The following SLC45A1 variants were observed in gnomAD, a reference collection of about 807,000 sequenced individuals.
SLC45A1 encodes proton-associated sugar transporter A.
Under a neutral mutation model 57.6 loss-of-function variants are expected in SLC45A1, and 28 were observed. That is an observed-to-expected ratio of 0.49 (90% confidence interval 0.36 to 0.67). SLC45A1 has a LOEUF of 0.67. SLC45A1 is among the 30% of genes least tolerant of loss of function. The pLI, the probability that SLC45A1 is intolerant of heterozygous loss-of-function variation, is 0.00. For synonymous variants in SLC45A1, 459 were observed against 471.5 expected (o/e 0.97, Z 0.34); for missense variants, 814 against 1,041.5 (o/e 0.78, Z 3.01).
intron 8 of SLC45A1, among the ~76,000 whole-genome samples, chr1:8,340,455 C>T (rs189819022): frequency 5.3e-5 from 8 of 152,310 alleles, no homozygotes; most frequent in South Asian, 2.1e-4. Flanking sequence ...AGCCACCGCA[C>T]CCAGCCCAAA....
At chr1:8,321,256 C>T (rs1343604584) in intron 1 of SLC45A1, among the ~76,000 whole-genome samples, 1 of 152,174 alleles carries the variant, frequency 6.6e-6, no homozygotes, top group Non-Finnish European at 1.5e-5. Context: ...TGAAGTATTA[C>T]TTGTCTACAT....
intron 5 of SLC45A1, among the ~76,000 whole-genome samples, chr1:8,332,574 C>T (rs1296539456): frequency 1.3e-5 from 2 of 148,272 alleles, no homozygotes; most frequent in African/African-American, 2.5e-5. Flanking sequence ...TGCAGTGATG[C>T]GATCTTGGCT....
In SLC45A1 at chr1:8,325,796, G is replaced by A. The variant is rs750899263; in HGVS notation, c.491-22G>A. 1 of 1,606,594 alleles carries A rather than the reference G, an allele frequency of 6.2e-7. No homozygotes were observed. The highest frequency in any genetic ancestry group is 2.2e-5 in the East Asian group (1 of 44,856). On this transcript the variant is annotated intron_variant, in intron 3 of 8. Transcript: ENST00000471889. The surrounding 1 kb of genome is among the most constrained non-coding windows in gnomAD (Gnocchi z 6.3). ...GAGCTGGTCTGCATTTTCTTGGGGT[G>A]ACTTTGTTTCTCTGTGTCCAGGGGC...
chr1:8,324,465 T>C lies in SLC45A1; in HGVS notation c.136T>C (p.Phe46Leu), dbSNP rs749440093. The C allele has an allele frequency of 2.5e-6, 4 of 1,612,612 alleles. No individual in the cohort carries two copies. The South Asian group carries it at 4.4e-5, about 18-fold the overall frequency. The change falls in exon 2 of 9, where the codon TTC becomes CTC. Residue 46 changes from phenylalanine to leucine, a missense_variant. Transcript: ENST00000471889. The stretch of plus-strand genomic sequence containing the variant: ...ACACCTCAGTCACCGGGCCAACAAC[T>C]TCAAACGACACCCCAAGAGGAGGAA... ...TRHLSHRANN[F>L]KRHPKRRKCI...
chr1:8,330,689 C>T lies in SLC45A1; in HGVS notation c.1196C>T (p.Pro399Leu), dbSNP rs751431761. 9 of 1,613,132 alleles carry T rather than the reference C, an allele frequency of 5.6e-6. No homozygotes were observed. Among genetic ancestry groups the T allele is most frequent in the Admixed American group, 5.0e-5 (3 of 60,002 alleles). The change falls in exon 5 of 9, where the codon CCC becomes CTC. Residue 399 changes from proline to leucine, a missense_variant. Physicochemically the swap from Pro to Leu is moderately conservative, Grantham distance 98. Coordinates refer to ENST00000471889, the MANE Select transcript of SLC45A1 (RefSeq NM_001080397.3). This position sits in a 1 kb window ranked among gnomAD's most constrained non-coding sequence, Gnocchi z 8.4. ...LAIPGSVPRP[P>L]ISVSFPRAPD... ...ATCCCTGGCAGCGTCCCCAGGCCGCCCATCAGCGTCAGCTTCCCCCGGGCC... is the reference window on the plus strand; with the variant it reads ...ATCCCTGGCAGCGTCCCCAGGCCGCTCATCAGCGTCAGCTTCCCCCGGGCC...
In SLC45A1 at chr1:8,335,434, C is replaced by T. The variant is rs777214221; in HGVS notation, c.1444-3C>T. On this transcript the variant is annotated splice_region_variant and splice_polypyrimidine_tract_variant and intron_variant, in intron 5 of 8. Coordinates refer to ENST00000471889, the MANE Select transcript of SLC45A1 (RefSeq NM_001080397.3). The surrounding 1 kb of genome is among the most constrained non-coding windows in gnomAD (Gnocchi z 4.1). ...TGATGAGGGGTTTGTGGGCTCTTCC[C>T]AGGTGGCCAATATCCTGCTCAACGG... The T allele has an allele frequency of 6.3e-6, 10 of 1,584,354 alleles. No homozygotes were observed. Among genetic ancestry groups the T allele is most frequent in the Non-Finnish European group, 8.5e-6 (10 of 1,171,124 alleles).
chr1:8,344,135 T>G lies in SLC45A1; in HGVS notation c.*122T>G. 2 of 926,582 alleles carry G rather than the reference T, an allele frequency of 2.2e-6. No homozygotes were observed. Among genetic ancestry groups the G allele is most frequent in the East Asian group, 5.2e-5 (2 of 38,640 alleles). The allele number at this position is 926,582 out of a possible 1,614,324, so 57.4% of individuals were successfully genotyped here. ...GGCTGCCTACTGGAATGTAAATATG[T>G]GATAAAATAATAAATGACAGCGGCA... On this transcript the variant is annotated 3_prime_UTR_variant, in exon 9 of 9. Coordinates refer to ENST00000471889, the MANE Select transcript of SLC45A1 (RefSeq NM_001080397.3).
In SLC45A1 at chr1:8,330,345, C is replaced by G. The variant is rs763858764; in HGVS notation, c.852C>G (p.Thr284=). The G allele has an allele frequency of 1.2e-6, 2 of 1,613,510 alleles. No individual in the cohort carries two copies. The highest frequency in any genetic ancestry group is 1.7e-6 in the Non-Finnish European group (2 of 1,180,012). Residue 284 remains threonine (T), a synonymous_variant, in exon 5 of 9, where the codon ACC becomes ACG. Transcript: ENST00000471889. This position sits in a 1 kb window ranked among gnomAD's most constrained non-coding sequence, Gnocchi z 8.4. ...CCCTGAGCGTCACCACCGTCCTGAC[C>G]CTGGTCAGCATCCCTGAGAGGCCGC... The part of the protein sequence containing the change: ...AVTLSVTTVL[T]LVSIPERPLR...
Position 8,325,443 on chromosome 1 carries a change from A to C in SLC45A1, c.490+53A>C, listed in dbSNP as rs372355331. On this transcript the variant is annotated intron_variant, in intron 3 of 8. Coordinates refer to ENST00000471889, the MANE Select transcript of SLC45A1 (RefSeq NM_001080397.3). The surrounding 1 kb of genome is among the most constrained non-coding windows in gnomAD (Gnocchi z 6.3). ...TGGAGAGGAAAAAAAAAAGGCCCCAACTGCTTCCTTTTAGGAAAATTTTAA... is the reference window on the plus strand; with the variant it reads ...TGGAGAGGAAAAAAAAAAGGCCCCACCTGCTTCCTTTTAGGAAAATTTTAA... The C allele has an allele frequency of 7.6e-7, 1 of 1,310,020 alleles. No homozygotes were observed. The highest frequency in any genetic ancestry group is 2.3e-5 in the East Asian group (1 of 43,396). 81.1% of individuals were successfully genotyped at this position (1,310,020 alleles called of 1,614,324 possible). A position where few individuals can be genotyped will look rare whatever the true frequency, so the allele number is the denominator to read the frequency against.
In SLC45A1 at chr1:8,328,564, C is replaced by T. The variant is rs904519104; in HGVS notation, c.716-1645C>T. 5.3e-5 allele frequency among the ~76,000 whole-genome samples: 8 copies of T among 152,168 alleles called. No individual in the cohort carries two copies. Among genetic ancestry groups the T allele is most frequent in the African/African-American group, 1.4e-4 (6 of 41,428 alleles). On this transcript the variant is annotated intron_variant, in intron 4 of 8. Transcript: ENST00000471889. The surrounding 1 kb of genome is among the most constrained non-coding windows in gnomAD (Gnocchi z 4.6). Reference sequence around the variant, plus strand: ...GCTAGTAAAGTTCATCTGGGCCGGGCGTGGTGGCTCATGCATGTACTCCCA... The same window carrying T: ...GCTAGTAAAGTTCATCTGGGCCGGGTGTGGTGGCTCATGCATGTACTCCCA...
intron 8 of SLC45A1, among the ~76,000 whole-genome samples, chr1:8,341,079 C>A (rs1640794073): frequency 6.6e-6 from 1 of 151,738 alleles, no homozygotes; most frequent in Admixed American, 6.6e-5. Flanking sequence ...CTAGTCCCAG[C>A]TACTCGGGAG....
rs201290111 is a variant in SLC45A1 at position 8,324,514 on chromosome 1, C to T, written c.185C>T (p.Pro62Leu). Reference sequence around the variant, plus strand: ...AAGTGCATTCGTCCCTCCCCACCCCCGCCCCCCAACACCCCGTGCCCGCTT... The same window carrying T: ...AAGTGCATTCGTCCCTCCCCACCCCTGCCCCCCAACACCCCGTGCCCGCTT... ...RRKCIRPSPP[P>L]PPNTPCPLEL... is the part of the protein sequence containing the mutation. The change falls in exon 2 of 9, where the codon CCG becomes CTG. Residue 62 changes from proline (P) to leucine (L), a missense_variant. Transcript: ENST00000471889. The T allele has an allele frequency of 5.0e-6, 8 of 1,611,412 alleles. No individual in the cohort carries two copies. Among genetic ancestry groups the T allele is most frequent in the Admixed American group, 1.7e-5 (1 of 59,982 alleles).
Position 8,327,680 on chromosome 1 carries a change from C to A in SLC45A1, c.715+1638C>A, listed in dbSNP as rs1470123817. Among the ~76,000 whole-genome samples, 2 of 152,062 alleles carry A rather than the reference C, an allele frequency of 1.3e-5. No individual in the cohort carries two copies. The highest frequency in any genetic ancestry group is 3.9e-4 in the East Asian group (2 of 5,194). On this transcript the variant is annotated intron_variant, in intron 4 of 8. Coordinates refer to ENST00000471889, the MANE Select transcript of SLC45A1 (RefSeq NM_001080397.3). This position sits in a 1 kb window ranked among gnomAD's most constrained non-coding sequence, Gnocchi z 4.3. ...AAATAAATAAATAACTCTAGCTTGT[C>A]TATATAAAATACTTGCCTTGTTACA...
chr1:8,322,766 G>A (rs1434329828), intron 1 of SLC45A1, among the ~76,000 whole-genome samples: 3 of 152,192 alleles, frequency 2.0e-5, no homozygotes, highest in Non-Finnish European at 4.4e-5. Context: ...TCAATGTTGG[G>A]AAAGTTGTCC....
In SLC45A1 at chr1:8,324,495, A is replaced by G. The variant is rs1471556913; in HGVS notation, c.166A>G (p.Ile56Val). The G allele has an allele frequency of 1.2e-6, 2 of 1,612,054 alleles. No homozygotes were observed. Among genetic ancestry groups the G allele is most frequent in the Non-Finnish European group, 1.7e-6 (2 of 1,179,664 alleles). ...ACGACACCCCAAGAGGAGGAAGTGC[A>G]TTCGTCCCTCCCCACCCCCGCCCCC... Reference protein sequence around the residue: ...FKRHPKRRKCIRPSPPPPPNT... With the variant: ...FKRHPKRRKCVRPSPPPPPNT... The change falls in exon 2 of 9, where the codon ATT becomes GTT. Residue 56 changes from isoleucine (I) to valine (V), a missense_variant. Physicochemically the swap from Ile to Val is conservative, Grantham distance 29 (BLOSUM62 3). Transcript: ENST00000471889.
intron 1 of SLC45A1, 30 bp from the exon 2 acceptor site, chr1:8,324,276 C>T: frequency 6.3e-7 from 1 of 1,577,586 alleles, no homozygotes. Flanking sequence ...GCAAAAGTAA[C>T]TGTGGCCTCC....
At position 8,335,425 on chromosome 1, in the gene SLC45A1, G is replaced by T. The variant is rs377494149; in HGVS notation, c.1444-12G>T. ...GCGGGGCTCTGATGAGGGGTTTGTG[G>T]GCTCTTCCCAGGTGGCCAATATCCT... On this transcript the variant is annotated splice_polypyrimidine_tract_variant and intron_variant, in intron 5 of 8. Coordinates refer to ENST00000471889, the MANE Select transcript of SLC45A1 (RefSeq NM_001080397.3). This position sits in a 1 kb window ranked among gnomAD's most constrained non-coding sequence, Gnocchi z 4.1. The T allele has an allele frequency of 2.1e-5, 33 of 1,577,388 alleles. No homozygotes were observed. In the African/African-American group the frequency reaches 4.4e-4, roughly 21 times the overall value.
chr1:8,331,550 AG>A (rs1398333334), intron 5 of SLC45A1, among the ~76,000 whole-genome samples: 1 of 152,198 alleles, frequency 6.6e-6, no homozygotes, highest in Non-Finnish European at 1.5e-5. Context: ...CTGAAGAAGG[AG>A]GATGGCTTGA....
At chr1:8,329,714 T>C (rs1381762175) in intron 4 of SLC45A1, among the ~76,000 whole-genome samples, 2 of 152,012 alleles carry the variant, frequency 1.3e-5, no homozygotes, top group African/African-American at 4.8e-5. Flanking sequence ...CCTGCCAGGG[T>C]GTGGGGAGGC....
Sources: gnomAD v4.1 joint callset for allele counts (sites outside exome capture counted in the v4.1 genomes callset) on GRCh38, gnomAD v4.1.1 for gene constraint, Gnocchi (gnomAD v3.1) non-coding constraint, MANE v1.5 for transcripts, NCBI Gene and HGNC (gene_info 2026-07-23, HGNC 2026-07-21) for gene names.